The following ZNF347 variants were observed in gnomAD, a reference collection of about 807,000 sequenced individuals.
The protein encoded by ZNF347 is zinc finger protein 347.
ZNF347 carries 19 observed loss-of-function variants against 12.9 expected under a neutral mutation model. That is an observed-to-expected ratio of 1.47 (90% CI 1.03 to 2.16). The LOEUF (loss-of-function observed/expected upper bound fraction) is 2.16, where lower values mean the gene tolerates loss of function less well. ZNF347 is among the 30% of genes most tolerant of loss of function. The pLI is 0.00. For synonymous variants in ZNF347, 328 were observed against 340.6 expected (o/e 0.96, Z 0.41); for missense variants, 1,005 against 990.6 (o/e 1.01, Z -0.19).
Position 53,147,216 on chromosome 19 carries a change from A to C in ZNF347, c.271+1465T>G, listed in dbSNP as rs532578909. ...ATGGTGAAACCCCAACTCTACTAAA[A>C]ATACAAAAATCAGCCAAGTGTGGTG... On this transcript the variant is annotated intron_variant, in intron 4 of 4. Transcript: ENST00000334197. Among the ~76,000 whole-genome samples, 23 of 152,242 alleles carry C rather than the reference A, an allele frequency of 1.5e-4. No homozygotes were observed. The South Asian group carries it at 4.4e-3, about 29-fold the overall frequency.
At chr19:53,151,190 T>C (rs113497670) in intron 2 of ZNF347, among the ~76,000 whole-genome samples, 12 of 152,248 alleles carry the variant, frequency 7.9e-5, no homozygotes, top group African/African-American at 2.9e-4. Flanking sequence ...AGCTAAAATG[T>C]CAGAGCAAGC....
chr19:53,152,039 G>T (rs746778353), intron 2 of ZNF347, among the ~76,000 whole-genome samples: 19 of 138,486 alleles, frequency 1.4e-4, no homozygotes, highest in Non-Finnish European at 2.9e-4. Flanking sequence ...ATTGCAGTGA[G>T]CCGAGATTGC....
chr19:53,135,313 T>C lies in ZNF347; in HGVS notation c.*4995A>G, dbSNP rs1599847457. 2 of 4,534 alleles carry C rather than the reference T, an allele frequency of 4.4e-4. No individual in the cohort carries two copies. Among genetic ancestry groups the C allele is most frequent in the Non-Finnish European group, 1.4e-3 (2 of 1,382 alleles). The allele number at this position is 4,534 out of a possible 1,614,324, so 0.3% of individuals were successfully genotyped here. ...CCCATTTTCTAAATATATATATATA[T>C]ATATATATATATATATATATATATA... On this transcript the variant is annotated 3_prime_UTR_variant, in exon 5 of 5. Coordinates refer to ENST00000334197, the MANE Select transcript of ZNF347 (RefSeq NM_032584.3).
chr19:53,152,815 A>AGTT lies in ZNF347; in HGVS notation c.15+915_15+917dup, dbSNP rs542340977. Among the ~76,000 whole-genome samples the AGTT allele has an allele frequency of 2.0e-4, 31 of 152,082 alleles. 1 individual carries two copies. The South Asian group carries it at 5.2e-3, about 25-fold the overall frequency. On this transcript the variant is annotated intron_variant, in intron 2 of 4. Coordinates refer to ENST00000334197, the MANE Select transcript of ZNF347 (RefSeq NM_032584.3). ...CATGGTGGCGGGCGCCTGTAGTCCC[A>AGTT]GTTACTTGGGAGGCTGAGGCAGGAG...
In ZNF347 at chr19:53,135,335, TATATAGAGAG is replaced by T. The variant is rs2090381499; in HGVS notation, c.*4963_*4972del. On this transcript the variant is annotated 3_prime_UTR_variant, in exon 5 of 5. Transcript: ENST00000334197. ...ATATATATATATATATATATATATATATATAGAGAGAGAGAGAGAGAGAGAGAGAGAGAAA... is the reference window on the plus strand; with the variant it reads ...ATATATATATATATATATATATATATAGAGAGAGAGAGAGAGAGAGAGAAA... The T allele has an allele frequency of 1.3e-5, 1 of 79,318 alleles. No homozygotes were observed. Among genetic ancestry groups the T allele is most frequent in the South Asian group, 4.1e-4 (1 of 2,436 alleles). The allele number at this position is 79,318 out of a possible 1,614,324, so 4.9% of individuals were successfully genotyped here.
At chr19:53,158,123 T>C (rs2090547205) in intron 1 of ZNF347, among the ~76,000 whole-genome samples, 1 of 152,162 alleles carries the variant, frequency 6.6e-6, no homozygotes, top group Non-Finnish European at 1.5e-5. Flanking sequence ...AGGAGCGCAT[T>C]TTCCAGGGGC....
rs367977547 is a variant in ZNF347 at position 53,140,953 on chromosome 19, G to C, written c.1875C>G (p.Tyr625Ter). ...AGGCTTTGCCATACTCATTATACTTGTAAGGTTTCTCTCCAGTATGAATTC... is the reference window on the plus strand; with the variant it reads ...AGGCTTTGCCATACTCATTATACTTCTAAGGTTTCTCTCCAGTATGAATTC... ...HQRIHTGEKP[Y>*]KYNEYGKAFS... is the part of the protein sequence containing the mutation. Residue 625 changes from tyrosine (Y) to a stop codon, truncating the protein, a stop_gained, in exon 5 of 5, where the codon TAC (tyrosine) becomes TAG (stop). Transcript: ENST00000334197. LOFTEE classifies it low-confidence loss of function (END_TRUNC). The C allele has an allele frequency of 3.1e-6, 5 of 1,612,396 alleles. No individual in the cohort carries two copies. In the African/African-American group the frequency reaches 6.7e-5, roughly 22 times the overall value.
chr19:53,151,189 G>A (rs1011736530), intron 2 of ZNF347, among the ~76,000 whole-genome samples: 1 of 152,186 alleles, frequency 6.6e-6, no homozygotes, highest in East Asian at 1.9e-4. Flanking sequence ...GAGCTAAAAT[G>A]TCAGAGCAAG....
At chr19:53,142,646 A>T (rs1476352673) in intron 4 of ZNF347, 90 bp from the exon 5 acceptor site, 11 of 1,008,912 alleles carry the variant, frequency 1.1e-5, no homozygotes, top group Non-Finnish European at 1.5e-5. Flanking sequence ...ACCGAAAAAC[A>T]ATATTAAACC....
chr19:53,145,788 T>A (rs781546457), intron 4 of ZNF347, among the ~76,000 whole-genome samples: 2 of 151,668 alleles, frequency 1.3e-5, no homozygotes, highest in Non-Finnish European at 2.9e-5. Context: ...AATAAACACC[T>A]ATATCAAAAA....
At chr19:53,147,551 G>A (rs2090471090) in intron 4 of ZNF347, among the ~76,000 whole-genome samples, 1 of 151,312 alleles carries the variant, frequency 6.6e-6, no homozygotes, top group Non-Finnish European at 1.5e-5. Context: ...TAGAGAGAGA[G>A]AGACTATCTC....
At position 53,140,716 on chromosome 19, in the gene ZNF347, A is replaced by T; in HGVS notation, c.2112T>A (p.Thr704=). 4 of 1,611,650 alleles carry T rather than the reference A, an allele frequency of 2.5e-6. No homozygotes were observed. Among genetic ancestry groups the T allele is most frequent in the Non-Finnish European group, 3.4e-6 (4 of 1,179,208 alleles). The change falls in exon 5 of 5, where the codon ACT becomes ACA. Residue 704 remains threonine, a synonymous_variant. Transcript: ENST00000334197. The stretch of plus-strand genomic sequence containing the variant: ...GATTACACTCATATGGTTTCTCTCC[A>T]GTATGAACTCTCTGATGCCTTGCAA... The part of the protein sequence containing the change: ...SKLARHQRVH[T]GEKPYECNQC...
At chr19:53,142,950 T>C (rs529280703) in intron 4 of ZNF347, among the ~76,000 whole-genome samples, 3 of 152,344 alleles carry the variant, frequency 2.0e-5, no homozygotes, top group East Asian at 3.9e-4. Context: ...AATGACACGA[T>C]GTAACTGTTA....
In ZNF347 at chr19:53,139,290, C is replaced by T. The variant is rs1044112447; in HGVS notation, c.*1018G>A. ...TTATTTTCTGCCCCAAAACCATGGT[C>T]TCTCAATTGAGAGAATATTTAATTT... On this transcript the variant is annotated 3_prime_UTR_variant, in exon 5 of 5. Transcript: ENST00000334197. 1.3e-5 allele frequency: 2 copies of T among 152,202 alleles called. No individual in the cohort carries two copies. The highest frequency in any genetic ancestry group is 2.9e-5 in the Non-Finnish European group (2 of 68,032). 9.4% of individuals were successfully genotyped at this position (152,202 alleles called of 1,614,324 possible).
At position 53,141,989 on chromosome 19, in the gene ZNF347, T is replaced by C; in HGVS notation, c.839A>G (p.Gln280Arg). 6.2e-7 allele frequency: 1 copy of C among 1,614,168 alleles called. No individual in the cohort carries two copies. Among genetic ancestry groups the C allele is most frequent in the Non-Finnish European group, 8.5e-7 (1 of 1,180,028 alleles). ...FPQNSHLASHQRSHTKEKPYK... is the reference protein window; with the variant it reads ...FPQNSHLASHRRSHTKEKPYK... ...AGGTTTCTCTTTAGTATGACTTCTCTGATGACTTGCAAGGTGTGAATTTTG... is the reference window on the plus strand; with the variant it reads ...AGGTTTCTCTTTAGTATGACTTCTCCGATGACTTGCAAGGTGTGAATTTTG... Residue 280 changes from glutamine (Q) to arginine (R), a missense_variant, in exon 5 of 5, where the codon CAG becomes CGG. Gln to Arg is a conservative substitution (Grantham distance 43). Coordinates refer to ENST00000334197, the MANE Select transcript of ZNF347 (RefSeq NM_032584.3).
In ZNF347 at chr19:53,135,084, T is replaced by C. The variant is rs993005460; in HGVS notation, c.*5224A>G. 1 of 152,026 alleles carries C rather than the reference T, an allele frequency of 6.6e-6. No individual in the cohort carries two copies. Among genetic ancestry groups the C allele is most frequent in the Non-Finnish European group, 1.5e-5 (1 of 68,000 alleles). 9.4% of individuals were successfully genotyped at this position (152,026 alleles called of 1,614,324 possible). A position where few individuals can be genotyped will look rare whatever the true frequency, so the allele number is the denominator to read the frequency against. On this transcript the variant is annotated 3_prime_UTR_variant, in exon 5 of 5. Transcript: ENST00000334197. ...AATAACTAGCATTGTTACTGTAGCA[T>C]CATCATTAAAAGCTTTGTCTTTGCA...
chr19:53,149,340 T>C lies in ZNF347; in HGVS notation c.43A>G (p.Ile15Val), dbSNP rs903621643. The C allele has an allele frequency of 6.8e-6, 11 of 1,613,842 alleles. No individual in the cohort carries two copies. The highest frequency in any genetic ancestry group is 2.2e-5 in the East Asian group (1 of 44,878). ...QGQVTFRDVAIEFSQEEWTCL... is the reference protein window; with the variant it reads ...QGQVTFRDVAVEFSQEEWTCL... ...GTCCACTCCTCCTGAGAGAATTCTA[T>C]AGCCACATCCCTGAATGTCACCTGT... The change falls in exon 3 of 5, where the codon ATA (isoleucine) becomes GTA (valine). Residue 15 changes from isoleucine (I) to valine (V), a missense_variant. By Grantham distance (29) the Ile-to-Val change is conservative. Transcript: ENST00000334197.
chr19:53,157,412 A>G (rs2090542752), intron 1 of ZNF347, among the ~76,000 whole-genome samples: 1 of 151,732 alleles, frequency 6.6e-6, no homozygotes, highest in Non-Finnish European at 1.5e-5. Context: ...TTCTCACATT[A>G]GCTTATTTTT....
chr19:53,151,473 G>A (rs969733074), intron 2 of ZNF347, among the ~76,000 whole-genome samples: 6 of 148,370 alleles, frequency 4.0e-5, no homozygotes, highest in African/African-American at 1.5e-4. Flanking sequence ...AGGAGGCGGA[G>A]CTTGCAGTGA....
Sources: allele counts gnomAD v4.1 joint callset (sites outside exome capture counted in the v4.1 genomes callset), GRCh38; gene constraint gnomAD v4.1.1; transcripts MANE v1.5; gene names NCBI Gene and HGNC (gene_info 2026-07-23, HGNC 2026-07-21).